The following EXOC4 variants were observed in gnomAD, a reference collection of about 807,000 sequenced individuals.
The protein encoded by EXOC4 is exocyst complex component 4, also known as SEC8-like 1.
In EXOC4, 71 loss-of-function variants were observed where a neutral mutation model predicts 107.2. The observed-to-expected ratio is 0.66, with a 90% CI of 0.55 to 0.81. The LOEUF is 0.81. EXOC4 is among the 30% of genes least tolerant of loss of function. EXOC4 has a pLI of 0.00. For missense variants in EXOC4, 1,108 were observed against 1,189.6 expected (o/e 0.93, Z 1.01); for synonymous variants, 456 against 441.2 (o/e 1.03, Z -0.42).
At chr7:134,030,667 AC>A (rs1354708949) in intron 17 of EXOC4, among the ~76,000 whole-genome samples, 38 of 138,630 alleles carry the variant, frequency 2.7e-4, no homozygotes, top group African/African-American at 7.7e-4. Flanking sequence ...GTTGACCCGC[AC>A]CCCCCCTCTG....
chr7:134,064,414 T>G lies in EXOC4; in HGVS notation c.2811T>G (p.Thr937=), dbSNP rs1563110367. The G allele has an allele frequency of 1.9e-6, 3 of 1,606,484 alleles. No individual in the cohort carries two copies. Among genetic ancestry groups the G allele is most frequent in the Non-Finnish European group, 2.6e-6 (3 of 1,176,018 alleles). Residue 937 remains threonine (T), a synonymous_variant, in exon 18 of 18, where the codon ACT becomes ACG. Transcript: ENST00000253861. Reference sequence around the variant, plus strand: ...TGACCCTGCTGCACCGCAGCCAGACTGGGGTGGGGGAACTGACCACCCAGA... The same window carrying G: ...TGACCCTGCTGCACCGCAGCCAGACGGGGGTGGGGGAACTGACCACCCAGA... ...HALTLLHRSQ[T]GVGELTTQNT... is the part of the protein sequence containing the mutation.
At chr7:133,984,896 C>G (rs2953619) in intron 14 of EXOC4, among the ~76,000 whole-genome samples, 108,703 of 152,090 alleles carry the variant, frequency 0.71, 39,313 homozygotes, top group East Asian at 0.91. Context: ...ATAAAAAGTG[C>G]AAGAATAAAT....
downstream of EXOC4, among the ~76,000 whole-genome samples, chr7:134,069,112 C>T (rs535276815): frequency 2.0e-5 from 3 of 152,200 alleles, no homozygotes; most frequent in Non-Finnish European, 4.4e-5. Flanking sequence ...ACTCTGTGCA[C>T]TCTCTTCTGA....
chr7:133,411,336 A>G (rs1419973663), intron 7 of EXOC4, among the ~76,000 whole-genome samples: 1 of 152,206 alleles, frequency 6.6e-6, no homozygotes, highest in African/African-American at 2.4e-5. Flanking sequence ...TTAGTCAAAT[A>G]TAAAGAAGTT....
intron 10 of EXOC4, among the ~76,000 whole-genome samples, chr7:133,754,239 C>T (rs190790400): frequency 6.6e-6 from 1 of 152,266 alleles, no homozygotes; most frequent in East Asian, 1.9e-4. Context: ...CCCTGGGCAG[C>T]TGGCGATGGC....
At chr7:133,794,597 A>G (rs899591626) in intron 10 of EXOC4, among the ~76,000 whole-genome samples, 2 of 152,112 alleles carry the variant, frequency 1.3e-5, no homozygotes, top group African/African-American at 4.8e-5. Context: ...CCTCAGTTCA[A>G]TTTATTCAGG....
intron 12 of EXOC4, among the ~76,000 whole-genome samples, chr7:133,904,486 C>A (rs1799525027): frequency 6.6e-6 from 1 of 152,160 alleles, no homozygotes; most frequent in African/African-American, 2.4e-5. Flanking sequence ...TGGTTTTTGA[C>A]ATATTCTGGT....
chr7:134,038,625 A>G (rs938130351), intron 17 of EXOC4, among the ~76,000 whole-genome samples: 2 of 151,858 alleles, frequency 1.3e-5, no homozygotes, highest in African/African-American at 4.8e-5. Flanking sequence ...CCTCTAACTC[A>G]TTCTCATTTT....
chr7:133,680,849 T>G (rs1441844394), intron 10 of EXOC4, among the ~76,000 whole-genome samples: 2 of 152,208 alleles, frequency 1.3e-5, no homozygotes, highest in East Asian at 3.8e-4. Flanking sequence ...ATCTACTTCT[T>G]CCCTCTCCTT....
intron 7 of EXOC4, among the ~76,000 whole-genome samples, chr7:133,466,839 G>A (rs1472642698): frequency 1.3e-5 from 2 of 152,058 alleles, no homozygotes; most frequent in Non-Finnish European, 2.9e-5. Flanking sequence ...TATTTTAAAA[G>A]TCAATGTATT....
chr7:133,347,635 T>C (rs542399730), intron 5 of EXOC4, among the ~76,000 whole-genome samples: 126 of 152,330 alleles, frequency 8.3e-4, no homozygotes, highest in African/African-American at 2.9e-3. Flanking sequence ...CAGAGAGTTT[T>C]AGCTAAGCCC....
At chr7:134,061,841 T>C (rs925373406) in intron 17 of EXOC4, among the ~76,000 whole-genome samples, 2 of 152,206 alleles carry the variant, frequency 1.3e-5, no homozygotes, top group African/African-American at 4.8e-5. Flanking sequence ...ATGATGCTTC[T>C]TCCTGCAGCA....
At chr7:133,621,172 AT>A (rs796192015) in intron 9 of EXOC4, among the ~76,000 whole-genome samples, 3 of 152,238 alleles carry the variant, frequency 2.0e-5, no homozygotes, top group African/African-American at 7.2e-5. Flanking sequence ...TAACCTTCAA[AT>A]TTGTTGCTTC....
chr7:133,274,577 TTTC>T (rs1342464917), intron 1 of EXOC4, among the ~76,000 whole-genome samples: 1 of 152,214 alleles, frequency 6.6e-6, no homozygotes, highest in East Asian at 1.9e-4. Context: ...AAAGGCACCT[TTTC>T]TTGTTACTAT....
intron 17 of EXOC4, among the ~76,000 whole-genome samples, chr7:134,056,269 C>T (rs767199635): frequency 3.9e-5 from 6 of 152,148 alleles, no homozygotes; most frequent in Non-Finnish European, 8.8e-5. Context: ...TGATATTCAG[C>T]TCAGAATAGC....
rs541183027 is a variant in EXOC4, at chr7:133,436,514, A to C, written c.1183-38814A>C. Reference sequence around the variant, plus strand: ...CAGTGTGGTGTTAAAAAAAAAAAAAACCCTAATATTATCCATATCTTATGG... The same window carrying C: ...CAGTGTGGTGTTAAAAAAAAAAAAACCCCTAATATTATCCATATCTTATGG... On this transcript the variant is annotated intron_variant, in intron 7 of 17. Coordinates refer to ENST00000253861, the MANE Select transcript of EXOC4 (RefSeq NM_021807.4). 6.2e-3 allele frequency among the ~76,000 whole-genome samples: 941 copies of C among 151,580 alleles called. 11 individuals are homozygous for C. The highest frequency in any genetic ancestry group is 0.024 in the Middle Eastern group (7 of 294).
rs1320459019 is a variant in EXOC4, at chr7:133,756,589, A to T, written c.1515-60736A>T. On this transcript the variant is annotated intron_variant, in intron 10 of 17. Transcript: ENST00000253861. ...GAAAGTTTTGAATCCTCCTCCATTT[A>T]AAATTGCCACTCTGCACAAACACAT... Among the ~76,000 whole-genome samples, 5 of 152,224 alleles carry T rather than the reference A, an allele frequency of 3.3e-5. 1 individual carries two copies. Among genetic ancestry groups the T allele is most frequent in the African/African-American group, 1.2e-4 (5 of 41,450 alleles).
chr7:133,353,455 A>G (rs1050464716), intron 5 of EXOC4, among the ~76,000 whole-genome samples: 5 of 152,030 alleles, frequency 3.3e-5, no homozygotes, highest in Non-Finnish European at 7.4e-5. Flanking sequence ...TTGTTTTGGC[A>G]CTTTGAATTA....
At chr7:133,976,094 T>A (rs1269560580) in intron 14 of EXOC4, among the ~76,000 whole-genome samples, 1 of 152,122 alleles carries the variant, frequency 6.6e-6, no homozygotes, top group East Asian at 1.9e-4. Context: ...GCAGGTACAG[T>A]GTTGGAGACA....
Sources: allele counts gnomAD v4.1 joint callset (sites outside exome capture counted in the v4.1 genomes callset), GRCh38; gene constraint gnomAD v4.1.1; transcripts MANE v1.5; gene names NCBI Gene and HGNC (gene_info 2026-07-23, HGNC 2026-07-21).